Variants in RNF146 observed in about 807,000 individuals in gnomAD.
RNF146 encodes the protein ring finger protein 146.
Under a neutral mutation model 29.7 loss-of-function variants are expected in RNF146, and 11 were observed. The ratio of observed to expected loss-of-function variants is 0.37; its 90% CI spans 0.23 to 0.61. RNF146 has a LOEUF of 0.61. Ranked by LOEUF, RNF146 falls within the 20% of genes least tolerant of loss-of-function variation. The pLI is 0.66. For synonymous variants in RNF146, 150 were observed against 159.7 expected (o/e 0.94, Z 0.46); for missense variants, 342 against 438.9 (o/e 0.78, Z 1.97).
chr6:127,287,581 C>A lies in RNF146; in HGVS notation c.968C>A (p.Pro323His), dbSNP rs778497238. ...LLVSNANQTV[P>H]DRSDRSGTDR... ...GTTTCTAATGCAAACCAGACAGTAC[C>A]CGATCGATCAGATCGATCGGGAACT... The change falls in exon 3 of 3, where the codon CCC (proline) becomes CAC (histidine). Residue 323 changes from proline to histidine, a missense_variant. Around this residue, in one of 6 missense-constraint regions of RNF146, gnomAD observed 196 missense variants for 208.9 expected, o/e 0.94. Transcript: ENST00000368314. The A allele has an allele frequency of 1.2e-6, 2 of 1,612,782 alleles. No individual in the cohort carries two copies. The highest frequency in any genetic ancestry group is 4.5e-5 in the East Asian group (2 of 44,806).
intron 2 of RNF146, among the ~76,000 whole-genome samples, chr6:127,283,782 T>G (rs1478414381): frequency 6.6e-6 from 1 of 151,776 alleles, no homozygotes; most frequent in Non-Finnish European, 1.5e-5. Flanking sequence ...TATGGCAAAT[T>G]GATAGTTAAG....
rs187009727 is a variant in RNF146 at position 127,285,920 on chromosome 6, T to C, written c.3-696T>C. 7 of 558,086 alleles carry C rather than the reference T, an allele frequency of 1.3e-5. No individual in the cohort carries two copies. The Admixed American group carries it at 3.1e-4, about 25-fold the overall frequency. The allele number at this position is 558,086 out of a possible 1,614,324, so 34.6% of individuals were successfully genotyped here. A position where few individuals can be genotyped will look rare whatever the true frequency, so the allele number is the denominator to read the frequency against. On this transcript the variant is annotated intron_variant, in intron 2 of 2. Transcript: ENST00000368314. Reference sequence around the variant, plus strand: ...CTTTAGACCCATCAGTACTTAGTATTGTATCTGGAACATGGCAGGTGTTTA... The same window carrying C: ...CTTTAGACCCATCAGTACTTAGTATCGTATCTGGAACATGGCAGGTGTTTA...
At position 127,286,176 on chromosome 6, in the gene RNF146, A is replaced by G; in HGVS notation, c.3-440A>G. On this transcript the variant is annotated intron_variant, in intron 2 of 2. Coordinates refer to ENST00000368314, the MANE Select transcript of RNF146 (RefSeq NM_001242850.2). The surrounding 1 kb of genome is among the most constrained non-coding windows in gnomAD (Gnocchi z 4.6). ...CTGAGCTTTGTAAACTCTGATTTGC[A>G]GGTAAGGAAATTTAGACTAATGGTT... 1 of 1,230,514 alleles carries G rather than the reference A, an allele frequency of 8.1e-7. No individual in the cohort carries two copies. Among genetic ancestry groups the G allele is most frequent in the African/African-American group, 1.6e-5 (1 of 64,396 alleles). 76.2% of individuals were successfully genotyped at this position (1,230,514 alleles called of 1,614,324 possible). A position where few individuals can be genotyped will look rare whatever the true frequency, so the allele number is the denominator to read the frequency against.
chr6:127,278,925 C>T (rs1298903302), intron 1 of RNF146, among the ~76,000 whole-genome samples: 1 of 151,784 alleles, frequency 6.6e-6, no homozygotes, highest in Admixed American at 6.6e-5. Context: ...GTTTATTGGC[C>T]ATTTGTGTAT....
intron 2 of RNF146, chr6:127,285,221 T>C (rs1779357672): frequency 1.0e-6 from 1 of 985,046 alleles, no homozygotes; most frequent in Non-Finnish European, 1.2e-6. Context: ...ATTGCCATCT[T>C]TTTGAGCCTT....
At chr6:127,267,781 T>G (rs1185557199) in intron 1 of RNF146, among the ~76,000 whole-genome samples, 1 of 152,210 alleles carries the variant, frequency 6.6e-6, no homozygotes, top group Non-Finnish European at 1.5e-5. Context: ...TCTTAAAAGC[T>G]GAGGCTGTTG....
At position 127,286,597 on chromosome 6, in the gene RNF146, TA is replaced by T. The variant is rs1218060765; in HGVS notation, c.3-18del. On this transcript the variant is annotated intron_variant, in intron 2 of 2. Coordinates refer to ENST00000368314, the MANE Select transcript of RNF146 (RefSeq NM_001242850.2). This position sits in a 1 kb window ranked among gnomAD's most constrained non-coding sequence, Gnocchi z 4.6. Reference sequence around the variant, plus strand: ...AAGAATTAAAACATGACTTTAATATTATATGTATTTTTTCTTAGGATGGCTG... The same window carrying T: ...AAGAATTAAAACATGACTTTAATATTTATGTATTTTTTCTTAGGATGGCTG... 3 of 1,581,036 alleles carry T rather than the reference TA, an allele frequency of 1.9e-6. No individual in the cohort carries two copies. In the Admixed American group the frequency reaches 5.4e-5, roughly 28 times the overall value.
intron 1 of RNF146, among the ~76,000 whole-genome samples, chr6:127,273,177 C>G (rs1021263986): frequency 6.6e-6 from 1 of 152,134 alleles, no homozygotes; most frequent in Admixed American, 6.5e-5. Context: ...GAAAAATACA[C>G]AAGAACAAGA....
In RNF146 at chr6:127,268,230, A is replaced by C. The variant is rs552631289; in HGVS notation, c.-109+1305A>C. ...CCCCCACCTCGTGTGTGTACTTTTC[A>C]AATGGGATGTGAACGTATAATATTG... On this transcript the variant is annotated intron_variant, in intron 1 of 2. Coordinates refer to ENST00000368314, the MANE Select transcript of RNF146 (RefSeq NM_001242850.2). Among the ~76,000 whole-genome samples the C allele has an allele frequency of 4.6e-5, 7 of 152,300 alleles. No homozygotes were observed. In the East Asian group the frequency reaches 7.7e-4, roughly 17 times the overall value.
intron 1 of RNF146, among the ~76,000 whole-genome samples, chr6:127,273,942 G>A (rs1054936224): frequency 1.3e-5 from 2 of 152,068 alleles, no homozygotes; most frequent in Non-Finnish European, 2.9e-5. Context: ...TGTTCTTTCT[G>A]TTGAAGGAGA....
intron 1 of RNF146, among the ~76,000 whole-genome samples, chr6:127,270,242 C>T (rs1252907917): frequency 6.6e-6 from 1 of 151,996 alleles, no homozygotes; most frequent in Admixed American, 6.6e-5. Context: ...TCCCTAAACC[C>T]CTTTGTGTAT....
intron 2 of RNF146, chr6:127,280,804 A>G (rs966610152): frequency 6.5e-6 from 1 of 152,686 alleles, no homozygotes; most frequent in Non-Finnish European, 1.5e-5. Flanking sequence ...TTTTATTCAT[A>G]TCACTTCACT....
chr6:127,277,545 C>G (rs576948384), intron 1 of RNF146, among the ~76,000 whole-genome samples: 1 of 152,172 alleles, frequency 6.6e-6, no homozygotes, highest in South Asian at 2.1e-4. Context: ...AGTCCCACAA[C>G]AGGCTGTCTG....
At position 127,285,529 on chromosome 6, in the gene RNF146, C is replaced by CGT. The variant is rs539340881; in HGVS notation, c.3-1087_3-1086insGT. On this transcript the variant is annotated intron_variant, in intron 2 of 2. Transcript: ENST00000368314. ...ATTATTTTCTCCCCTTTTAAAATGTCTTTTTTTTTTTTTTTTTACCATGGG... is the reference window on the plus strand; with the variant it reads ...ATTATTTTCTCCCCTTTTAAAATGTCGTTTTTTTTTTTTTTTTTTACCATGGG... Among the ~76,000 whole-genome samples the CGT allele has an allele frequency of 4.5e-4, 58 of 130,000 alleles. No individual in the cohort carries two copies. The East Asian group carries it at 0.011, about 26-fold the overall frequency. 85.3% of individuals were successfully genotyped at this position (130,000 alleles called of 152,430 possible).
intron 1 of RNF146, among the ~76,000 whole-genome samples, chr6:127,269,935 TTAA>T (rs202121376): frequency 0.018 from 2,700 of 152,316 alleles, 28 homozygotes; most frequent in Non-Finnish European, 0.029. Flanking sequence ...ACATTAGCTG[TTAA>T]TAATTAGAAA....
intron 1 of RNF146, among the ~76,000 whole-genome samples, chr6:127,268,975 C>T (rs1443044256): frequency 6.6e-6 from 1 of 152,084 alleles, no homozygotes; most frequent in Non-Finnish European, 1.5e-5. Flanking sequence ...CCATATACTA[C>T]CAGGAAACAT....
chr6:127,283,136 T>G (rs146434181), intron 2 of RNF146, among the ~76,000 whole-genome samples: 2 of 151,912 alleles, frequency 1.3e-5, no homozygotes, highest in African/African-American at 4.8e-5. Context: ...TTAGTATTAA[T>G]AGACTCTTAT....
At chr6:127,285,357 TC>T in intron 2 of RNF146, 1 of 984,414 alleles carries the variant, frequency 1.0e-6, no homozygotes, top group South Asian at 4.7e-5. Flanking sequence ...GCGTAAGCAT[TC>T]TTGTTGACTA....
At chr6:127,270,585 G>T (rs1777328087) in intron 1 of RNF146, among the ~76,000 whole-genome samples, 7 of 152,104 alleles carry the variant, frequency 4.6e-5, no homozygotes, top group Admixed American at 4.6e-4. Flanking sequence ...TTCTTCACAT[G>T]ATTGTTATAA....
Sources: gnomAD v4.1 joint callset for allele counts (sites outside exome capture counted in the v4.1 genomes callset) on GRCh38, gnomAD v4.1.1 for gene constraint, gnomAD v4.1.1 regional missense constraint, Gnocchi (gnomAD v3.1) non-coding constraint, MANE v1.5 for transcripts, NCBI Gene and HGNC (gene_info 2026-07-23, HGNC 2026-07-21) for gene names.